Variants in GLB1 observed in about 807,000 individuals in gnomAD.
GLB1 encodes galactosidase beta 1.
In GLB1, 56 loss-of-function variants were observed where a neutral mutation model predicts 74.0. The ratio of observed to expected loss-of-function variants is 0.76; its 90% CI spans 0.61 to 0.94. GLB1 has a LOEUF of 0.94. Among genes scored for constraint, GLB1 ranks in the 40% least tolerant of loss-of-function variants. The pLI is 0.00. For missense variants in GLB1, 787 were observed against 845.5 expected (o/e 0.93, Z 0.86); for synonymous variants, 323 against 323.6 (o/e 1.00, Z 0.02).
chr3:33,011,381 C>A (rs2125459776), intron 15 of GLB1, among the ~76,000 whole-genome samples: 1 of 151,204 alleles, frequency 6.6e-6, no homozygotes, highest in African/African-American at 2.4e-5. Context: ...CTTTTCGAGA[C>A]TTCATTTGAG....
intron 1 of GLB1, chr3:33,092,003 T>G (rs1432487165): frequency 1.5e-5 from 15 of 984,434 alleles, no homozygotes; most frequent in Non-Finnish European, 1.8e-5. Context: ...CTATCTCTCT[T>G]TGCCTTGGTT....
chr3:33,051,603 CAA>C (rs59740209), intron 9 of GLB1, among the ~76,000 whole-genome samples, 153 bp downstream of exon 9: 7 of 75,452 alleles, frequency 9.3e-5, no homozygotes, highest in Admixed American at 1.6e-4. Context: ...AGACTGTCTA[CAA>C]AAAAAAAAAA....
the GLB1 span, among the ~76,000 whole-genome samples, chr3:32,984,313 G>C: frequency 6.6e-6 from 1 of 151,826 alleles, no homozygotes; most frequent in Non-Finnish European, 1.5e-5. Flanking sequence ...TTGCTCAGGG[G>C]GGAATTCAAG....
chr3:33,023,474 A>T (rs1036679340), intron 11 of GLB1, among the ~76,000 whole-genome samples: 1 of 152,162 alleles, frequency 6.6e-6, no homozygotes, highest in Admixed American at 6.5e-5. Flanking sequence ...AAATTACATA[A>T]TCATGTTTGG....
intron 6 of GLB1, among the ~76,000 whole-genome samples, chr3:33,057,741 C>G (rs1346245140): frequency 6.6e-6 from 1 of 152,182 alleles, no homozygotes; most frequent in African/African-American, 2.4e-5. Context: ...AAGCGCGCCC[C>G]AGACACAGCC....
In GLB1 at chr3:33,028,313, C is replaced by T. The variant is rs186419429; in HGVS notation, c.1069-3988G>A. On this transcript the variant is annotated intron_variant, in intron 10 of 15. Transcript: ENST00000307363. ...TTTCTTTAACACATGAGAGTACAGC[C>T]CAGAAGATAAAGAAAGTTTATCTTC... Among the ~76,000 whole-genome samples the T allele has an allele frequency of 4.7e-3, 718 of 152,246 alleles. 16 individuals are homozygous for T. Among genetic ancestry groups the T allele is most frequent in the Non-Finnish European group, 4.7e-3 (319 of 68,020 alleles).
At chr3:33,034,740 T>C (rs902926774) in intron 10 of GLB1, 2 of 685,054 alleles carry the variant, frequency 2.9e-6, no homozygotes, top group African/African-American at 3.5e-5. Context: ...TGGGTGTGTA[T>C]CAGTGATGTC....
At chr3:33,094,704 G>A (rs73043357) in intron 1 of GLB1, among the ~76,000 whole-genome samples, 15,822 of 152,038 alleles carry the variant, frequency 0.1, 1,129 homozygotes, top group Non-Finnish European at 0.16. Flanking sequence ...TCTTCCAGAG[G>A]CTATGTGACA....
At chr3:32,969,679 A>G in the GLB1 span, among the ~76,000 whole-genome samples, 3 of 152,238 alleles carry the variant, frequency 2.0e-5, no homozygotes, top group African/African-American at 7.2e-5. Flanking sequence ...GGAGGATGGT[A>G]AAAATTCTCC....
chr3:33,077,861 A>G (rs1700179107), intron 1 of GLB1, among the ~76,000 whole-genome samples: 2 of 151,832 alleles, frequency 1.3e-5, no homozygotes, highest in Admixed American at 6.6e-5. Context: ...AAAAAAAAAC[A>G]TAAAAATCCT....
the GLB1 span, among the ~76,000 whole-genome samples, chr3:32,971,236 C>T: frequency 6.6e-6 from 1 of 152,196 alleles, no homozygotes; most frequent in African/African-American, 2.4e-5. Context: ...GCCAGAGCTA[C>T]CTTTTTGGTC....
At chr3:33,007,715 C>G (rs756731303) in intron 15 of GLB1, among the ~76,000 whole-genome samples, 3 of 152,132 alleles carry the variant, frequency 2.0e-5, no homozygotes, top group African/African-American at 4.8e-5. Flanking sequence ...ATTAGATGGG[C>G]TTTTGGGGGT....
the GLB1 span, among the ~76,000 whole-genome samples, chr3:32,984,332 T>C: frequency 2.6e-5 from 4 of 152,126 alleles, no homozygotes; most frequent in African/African-American, 9.7e-5. Flanking sequence ...AGGGGTTTGC[T>C]TTCCATCTGT....
At chr3:32,963,782 T>A in the GLB1 span, among the ~76,000 whole-genome samples, 36 of 152,230 alleles carry the variant, frequency 2.4e-4, no homozygotes, top group African/African-American at 8.2e-4. Context: ...GAGGAAAAAA[T>A]TATGCTTTGT....
At position 33,069,082 on chromosome 3, in the gene GLB1, G is replaced by T. The variant is rs1699800783; in HGVS notation, c.246-112C>A. 4 of 1,573,048 alleles carry T rather than the reference G, an allele frequency of 2.5e-6. No individual in the cohort carries two copies. In the African/African-American group the frequency reaches 4.1e-5, roughly 16 times the overall value. On this transcript the variant is annotated intron_variant, in intron 2 of 15. Coordinates refer to ENST00000307363, the MANE Select transcript of GLB1 (RefSeq NM_000404.4). Reference sequence around the variant, plus strand: ...GCTAACACATGGATAAGAGGGAGAAGGCGCTTTGAAAGAAAAATTATCCAA... The same window carrying T: ...GCTAACACATGGATAAGAGGGAGAATGCGCTTTGAAAGAAAAATTATCCAA...
At chr3:32,988,635 G>C in the GLB1 span, among the ~76,000 whole-genome samples, 1 of 152,176 alleles carries the variant, frequency 6.6e-6, no homozygotes, top group Non-Finnish European at 1.5e-5. Context: ...CTCCACTTCT[G>C]TTTCCTGAAC....
intron 1 of GLB1, chr3:33,090,566 G>C (rs1700709894): frequency 7.1e-6 from 7 of 985,422 alleles, no homozygotes; most frequent in Non-Finnish European, 7.2e-6. Flanking sequence ...GAAATTGAAA[G>C]AATGATCAAG....
intron 15 of GLB1, among the ~76,000 whole-genome samples, chr3:33,008,324 G>A (rs1438023845): frequency 6.6e-6 from 1 of 152,186 alleles, no homozygotes; most frequent in Non-Finnish European, 1.5e-5. Flanking sequence ...AGATGGAGAG[G>A]CTGACAAAAT....
At chr3:32,973,886 G>C in the GLB1 span, among the ~76,000 whole-genome samples, 4 of 152,314 alleles carry the variant, frequency 2.6e-5, no homozygotes, top group East Asian at 3.9e-4. Flanking sequence ...AGCTGAGATT[G>C]TAAGTCCTCT....
Sources: allele counts gnomAD v4.1 joint callset (sites outside exome capture counted in the v4.1 genomes callset), GRCh38; gene constraint gnomAD v4.1.1; transcripts MANE v1.5; gene names NCBI Gene and HGNC (gene_info 2026-07-23, HGNC 2026-07-21).